Variants in PCDHA8 observed in about 807,000 individuals in gnomAD.
The protein encoded by PCDHA8 is protocadherin alpha 8.
Under a neutral mutation model 61.8 loss-of-function variants are expected in PCDHA8, and 53 were observed. That is an observed-to-expected ratio of 0.86 (90% CI 0.69 to 1.08). PCDHA8 has a LOEUF of 1.08. Ranked by LOEUF, PCDHA8 falls within the 50% of genes least tolerant of loss-of-function variation. The probability of loss-of-function intolerance (pLI) is 0.00; values close to 1 mark genes in which losing one functional copy is unlikely to be tolerated. For synonymous variants in PCDHA8, 618 were observed against 556.6 expected (o/e 1.11, Z -1.55); for missense variants, 1,293 against 1,245.0 (o/e 1.04, Z -0.58).
intron 3 of PCDHA8, among the ~76,000 whole-genome samples, chr5:140,994,117 G>C (rs889813029): frequency 6.6e-6 from 1 of 152,198 alleles, no homozygotes; most frequent in Non-Finnish European, 1.5e-5. Flanking sequence ...ATTGTCATGT[G>C]ATAAGGGCGA....
At chr5:140,868,909 T>C (rs2050732260) in intron 1 of PCDHA8, 3 of 886,670 alleles carry the variant, frequency 3.4e-6, no homozygotes, top group Non-Finnish European at 5.0e-6. Context: ...CGCTCTTTAC[T>C]TGGTGGAAAG....
At chr5:140,970,562 A>G (rs1406680335) in intron 1 of PCDHA8, among the ~76,000 whole-genome samples, 1 of 152,156 alleles carries the variant, frequency 6.6e-6, no homozygotes, top group African/African-American at 2.4e-5. Flanking sequence ...TCGTCTCCAT[A>G]TGTATGCTTG....
intron 3 of PCDHA8, among the ~76,000 whole-genome samples, chr5:141,007,388 TAAAATAC>T (rs1451350698): frequency 1.5e-5 from 1 of 67,196 alleles, no homozygotes; most frequent in Non-Finnish European, 2.7e-5. Context: ...CCATCTCTAC[TAAAATAC>T]AAAAAAAAAA....
intron 3 of PCDHA8, among the ~76,000 whole-genome samples, chr5:141,004,046 C>A (rs79317939): frequency 0.03 from 4,581 of 152,294 alleles, 86 homozygotes; most frequent in Non-Finnish European, 0.047. Flanking sequence ...TGATCATTTG[C>A]TGATACTGGC....
chr5:140,918,868 T>C (rs1584116749), intron 1 of PCDHA8, among the ~76,000 whole-genome samples: 1 of 152,216 alleles, frequency 6.6e-6, no homozygotes, highest in Admixed American at 6.5e-5. Context: ...TCATGAACTT[T>C]CAAGCCTCTA....
At chr5:140,870,876 GA>G (rs34601225) in intron 1 of PCDHA8, 1 of 1,613,958 alleles carries the variant, frequency 6.2e-7, no homozygotes, top group Non-Finnish European at 8.5e-7. Flanking sequence ...ACGTGGTGGC[GA>G]AGGTGCGCGC....
chr5:140,918,929 A>G (rs2078930762), intron 1 of PCDHA8, among the ~76,000 whole-genome samples: 1 of 152,226 alleles, frequency 6.6e-6, no homozygotes, highest in Non-Finnish European at 1.5e-5. Context: ...AGCATATGGC[A>G]TTTTGTTATA....
intron 1 of PCDHA8, among the ~76,000 whole-genome samples, chr5:140,922,896 A>C (rs551056851): frequency 1.6e-3 from 238 of 152,336 alleles, no homozygotes; most frequent in Non-Finnish European, 2.0e-3. Context: ...TTCAAGAAAA[A>C]ATTTTGAGAT....
intron 1 of PCDHA8, chr5:140,870,381 G>T: frequency 6.2e-7 from 1 of 1,614,214 alleles, no homozygotes; most frequent in African/African-American, 1.3e-5. Flanking sequence ...TGGTGACTGC[G>T]CGGGATGGGG....
At chr5:140,848,653 GGCTGGA>G (rs2150416251) in intron 1 of PCDHA8, 2 of 1,592,726 alleles carry the variant, frequency 1.3e-6, no homozygotes, top group Non-Finnish European at 1.7e-6. Context: ...CAGGACCTGG[GGCTGGA>G]GCTGGCGGAG....
chr5:140,862,630 C>T (rs138501125), intron 1 of PCDHA8: 7 of 535,352 alleles, frequency 1.3e-5, no homozygotes, highest in Non-Finnish European at 2.7e-5. Flanking sequence ...GCGGGGCTGC[C>T]ACGACTTCAC....
At position 140,946,631 on chromosome 5, in the gene PCDHA8, T is replaced by TATATATATATACAC. The variant is rs57893927; in HGVS notation, c.2395-32317_2395-32316insTATATATATACACA. Among the ~76,000 whole-genome samples, 93 of 131,838 alleles carry TATATATATATACAC rather than the reference T, an allele frequency of 7.1e-4. 3 individuals carry two copies. Among genetic ancestry groups the TATATATATATACAC allele is most frequent in the East Asian group, 2.3e-3 (11 of 4,866 alleles). 86.5% of individuals were successfully genotyped at this position (131,838 alleles called of 152,430 possible). A position where few individuals can be genotyped will look rare whatever the true frequency, so the allele number is the denominator to read the frequency against. ...TGTGAAATATATATATATATATATA[T>TATATATATATACAC]ACAATGGAATACTCATCAGCCATTA... On this transcript the variant is annotated intron_variant, in intron 1 of 3. Transcript: ENST00000531613.
intron 1 of PCDHA8, among the ~76,000 whole-genome samples, chr5:140,965,923 G>T (rs1418904178): frequency 1.3e-5 from 2 of 152,232 alleles, no homozygotes; most frequent in African/African-American, 4.8e-5. Context: ...TTTTAGGCTT[G>T]CTCCCGGAAA....
intron 1 of PCDHA8, chr5:140,877,101 G>T (rs375706181): frequency 6.8e-6 from 11 of 1,613,354 alleles, no homozygotes; most frequent in Non-Finnish European, 9.3e-6. Flanking sequence ...CCGGCGTGCC[G>T]CCTCTGGGCA....
At chr5:140,870,073 A>T in intron 1 of PCDHA8, 1 of 1,613,872 alleles carries the variant, frequency 6.2e-7, no homozygotes, top group Non-Finnish European at 8.5e-7. Context: ...GGCTACAGAT[A>T]AGGGGACTCC....
At chr5:140,918,226 T>C (rs528915665) in intron 1 of PCDHA8, among the ~76,000 whole-genome samples, 1 of 152,342 alleles carries the variant, frequency 6.6e-6, no homozygotes, top group African/African-American at 2.4e-5. Context: ...ATGCTGATTT[T>C]TGTACATTGA....
In PCDHA8 at chr5:140,857,269, G is replaced by T. The variant is rs375802816; in HGVS notation, c.2394+13554G>T. 8.1e-6 allele frequency: 13 copies of T among 1,598,726 alleles called. 1 individual carries two copies. The highest frequency in any genetic ancestry group is 1.1e-5 in the South Asian group (1 of 90,558). On this transcript the variant is annotated intron_variant, in intron 1 of 3. Coordinates refer to ENST00000531613, the MANE Select transcript of PCDHA8 (RefSeq NM_018911.3). ...CCTACAAGAATTACTACTCATTGGT[G>T]CTGGACAGCGCTCTGGACCGCGAGA... is the stretch of plus-strand genomic sequence containing the variant.
At chr5:140,856,624 G>T in intron 1 of PCDHA8, 1 of 1,597,992 alleles carries the variant, frequency 6.3e-7, no homozygotes, top group Non-Finnish European at 8.6e-7. Context: ...AATTCCCAGT[G>T]CTTGTTCTGC....
chr5:140,957,883 A>C (rs1413437105), intron 1 of PCDHA8, among the ~76,000 whole-genome samples: 1 of 152,098 alleles, frequency 6.6e-6, no homozygotes. Flanking sequence ...TGAAAAGCTG[A>C]AGTTGGCATC....
Sources: gnomAD v4.1 joint callset for allele counts (sites outside exome capture counted in the v4.1 genomes callset) on GRCh38, gnomAD v4.1.1 for gene constraint, MANE v1.5 for transcripts, NCBI Gene and HGNC (gene_info 2026-07-23, HGNC 2026-07-21) for gene names.